Variants in CAST observed in about 807,000 individuals in gnomAD.
CAST encodes the protein calpastatin.
A neutral mutation model predicts 119.6 loss-of-function variants in CAST; 76 were observed. The observed-to-expected ratio is 0.64, with a 90% CI of 0.53 to 0.77. The LOEUF (loss-of-function observed/expected upper bound fraction) is 0.77, where lower values mean the gene tolerates loss of function less well. CAST is among the 30% of genes least tolerant of loss of function. The probability of loss-of-function intolerance (pLI) is 0.00; values close to 1 mark genes in which losing one functional copy is unlikely to be tolerated. For missense variants in CAST, 953 were observed against 946.5 expected (o/e 1.01, Z -0.09); for synonymous variants, 319 against 331.6 (o/e 0.96, Z 0.41).
chr5:96,531,502 T>C (rs1176207449), intron 1 of CAST, among the ~76,000 whole-genome samples: 1 of 152,192 alleles, frequency 6.6e-6, no homozygotes, highest in Non-Finnish European at 1.5e-5. Flanking sequence ...ATAAATAACA[T>C]CTACCTTCCT....
chr5:96,543,424 T>C (rs1745952994), intron 1 of CAST, among the ~76,000 whole-genome samples: 1 of 152,218 alleles, frequency 6.6e-6, no homozygotes, highest in African/African-American at 2.4e-5. Context: ...GAGAAATACC[T>C]AATACATGTG....
chr5:96,264,828 T>C, the CAST span, among the ~76,000 whole-genome samples: 1 of 152,230 alleles, frequency 6.6e-6, no homozygotes, highest in Non-Finnish European at 1.5e-5. Context: ...TTTGACTCCA[T>C]GTATGTGAGA....
chr5:96,549,085 T>A (rs920844858), intron 1 of CAST, among the ~76,000 whole-genome samples: 1 of 152,188 alleles, frequency 6.6e-6, no homozygotes, highest in African/African-American at 2.4e-5. Context: ...ATCTACTAGC[T>A]TACAGGAGCC....
At position 96,640,644 on chromosome 5, in the gene CAST, A is replaced by G. The variant is rs1269828343; in HGVS notation, c.61-34895A>G. Among the ~76,000 whole-genome samples, 4 of 152,212 alleles carry G rather than the reference A, an allele frequency of 2.6e-5. No homozygotes were observed. The East Asian group carries it at 7.7e-4, about 29-fold the overall frequency. ...TGGAAAAAAGGGGAGCTGAGCTGGG[A>G]TGCAGATCTGCTAGATGCCTCAGAC... On this transcript the variant is annotated intron_variant, in intron 1 of 11. Coordinates refer to the CAST transcript ENST00000505143.
At chr5:96,110,088 T>C in the CAST span, among the ~76,000 whole-genome samples, 1 of 152,162 alleles carries the variant, frequency 6.6e-6, no homozygotes, top group East Asian at 1.9e-4. Flanking sequence ...CTAAGATACA[T>C]CTCCAGTTCC....
At chr5:96,131,209 A>G in the CAST span, among the ~76,000 whole-genome samples, 1 of 152,110 alleles carries the variant, frequency 6.6e-6, no homozygotes, top group Non-Finnish European at 1.5e-5. Flanking sequence ...TAAAAAGAGT[A>G]TATGTCTATT....
At chr5:96,270,706 G>A in the CAST span, among the ~76,000 whole-genome samples, 5 of 152,024 alleles carry the variant, frequency 3.3e-5, no homozygotes, top group Admixed American at 6.6e-5. Flanking sequence ...GGGCCTATCC[G>A]AGGGGGTGAG....
At chr5:96,118,006 T>G in the CAST span, among the ~76,000 whole-genome samples, 1 of 152,210 alleles carries the variant, frequency 6.6e-6, no homozygotes, top group Non-Finnish European at 1.5e-5. Context: ...AATGGATGAG[T>G]GTTCAGCACC....
At chr5:96,105,212 T>C in the CAST span, among the ~76,000 whole-genome samples, 1 of 151,808 alleles carries the variant, frequency 6.6e-6, no homozygotes, top group Non-Finnish European at 1.5e-5. Flanking sequence ...CTTTTCCTAA[T>C]TGAATACCCT....
chr5:96,545,740 A>G (rs13173434), intron 1 of CAST, among the ~76,000 whole-genome samples: 93,545 of 152,146 alleles, frequency 0.61, 29,121 homozygotes, highest in East Asian at 0.86. Context: ...TAGGCCCATT[A>G]AACAGCAACT....
intron 11 of CAST, among the ~76,000 whole-genome samples, 199 bp from the exon 12 acceptor site, chr5:96,739,839 G>C (rs1561553793): frequency 6.6e-6 from 1 of 152,190 alleles, no homozygotes. Context: ...CATTACATAT[G>C]AGTTAAGCCA....
At chr5:96,674,215 CTAT>C (rs1277284397) in intron 1 of CAST, among the ~76,000 whole-genome samples, 2 of 151,978 alleles carry the variant, frequency 1.3e-5, no homozygotes, top group Non-Finnish European at 2.9e-5. Flanking sequence ...CATCAAATCA[CTAT>C]TATTCTTAGT....
the CAST span, among the ~76,000 whole-genome samples, chr5:96,171,218 C>A: frequency 8.5e-5 from 13 of 152,138 alleles, no homozygotes; most frequent in Non-Finnish European, 1.8e-4. Flanking sequence ...TCGAAAGTGC[C>A]ATTTTCTGGC....
chr5:96,306,442 A>G, the CAST span, among the ~76,000 whole-genome samples: 9 of 151,540 alleles, frequency 5.9e-5, no homozygotes, highest in South Asian at 4.2e-4. Flanking sequence ...TCATGTCTCT[A>G]TCTCCTTCAG....
At chr5:95,987,459 G>A in the CAST span, among the ~76,000 whole-genome samples, 1 of 152,102 alleles carries the variant, frequency 6.6e-6, no homozygotes, top group Non-Finnish European at 1.5e-5. Context: ...GTGCCTAGGC[G>A]CTGCCTCCAA....
rs1762627605 is a variant in CAST at position 96,741,381 on chromosome 5, G to C, written c.1011+23G>C. 21 of 1,556,396 alleles carry C rather than the reference G, an allele frequency of 1.3e-5. No individual in the cohort carries two copies. The East Asian group carries it at 4.7e-4, about 35-fold the overall frequency. ...GAGGTATTGTTTTTAGTGTTGTTAA[G>C]GGAAACTTGTTAGGAACTATTTTGA... On this transcript the variant is annotated intron_variant, in intron 14 of 31. Coordinates refer to ENST00000675179, the MANE Select transcript of CAST (RefSeq NM_001750.7).
chr5:95,969,414 G>A, the CAST span, among the ~76,000 whole-genome samples: 9 of 152,176 alleles, frequency 5.9e-5, no homozygotes, highest in Non-Finnish European at 1.3e-4. Context: ...AAAGTAAAGG[G>A]AACAAAAGAG....
chr5:96,329,821 C>T, the CAST span, among the ~76,000 whole-genome samples: 1 of 152,186 alleles, frequency 6.6e-6, no homozygotes, highest in Non-Finnish European at 1.5e-5. Context: ...AGATTAATCT[C>T]AAGAAACTCT....
chr5:96,141,207 A>G, the CAST span, among the ~76,000 whole-genome samples: 3 of 152,318 alleles, frequency 2.0e-5, no homozygotes, highest in Non-Finnish European at 2.9e-5. Context: ...CTGGTGGCCA[A>G]TGGGCCAAAT....
Sources: gnomAD v4.1 joint callset for allele counts (sites outside exome capture counted in the v4.1 genomes callset) on GRCh38, gnomAD v4.1.1 for gene constraint, MANE v1.5 for transcripts, NCBI Gene and HGNC (gene_info 2026-07-23, HGNC 2026-07-21) for gene names.